Variants in TCTN2 observed in about 807,000 individuals in gnomAD.
TCTN2 encodes tectonic-2.
In TCTN2, 66 loss-of-function variants were observed where a neutral mutation model predicts 83.4. The ratio of observed to expected loss-of-function variants is 0.79; its 90% CI spans 0.65 to 0.97. The LOEUF is 0.97. Among genes scored for constraint, TCTN2 ranks in the 50% least tolerant of loss-of-function variants. TCTN2 has a pLI of 0.00. For missense variants in TCTN2, 794 were observed against 858.1 expected (o/e 0.93, Z 0.93); for synonymous variants, 301 against 326.7 (o/e 0.92, Z 0.85).
intron 8 of TCTN2, among the ~76,000 whole-genome samples, chr12:123,692,401 A>G (rs1956054299): frequency 6.6e-6 from 1 of 152,066 alleles, no homozygotes; most frequent in Non-Finnish European, 1.5e-5. Context: ...TGAACTGCAT[A>G]TTTGTTTTTA....
intron 4 of TCTN2, among the ~76,000 whole-genome samples, chr12:123,678,879 G>A (rs952513327): frequency 2.0e-5 from 3 of 151,498 alleles, no homozygotes; most frequent in Admixed American, 2.0e-4. Context: ...CTCACTGCAA[G>A]CTCCGCCTCC....
intron 4 of TCTN2, among the ~76,000 whole-genome samples, 156 bp from the exon 5 acceptor site, chr12:123,679,033 A>T (rs1955860731): frequency 6.6e-6 from 1 of 151,826 alleles, no homozygotes; most frequent in African/African-American, 2.4e-5. Context: ...TCCTGACCTC[A>T]TGATCCACCT....
intron 5 of TCTN2, among the ~76,000 whole-genome samples, chr12:123,686,455 CTT>C (rs919079593): frequency 3.3e-5 from 5 of 152,150 alleles, no homozygotes; most frequent in African/African-American, 4.8e-5. Context: ...TGTCTGGAGG[CTT>C]TTCTGGGCTA....
chr12:123,682,315 T>C (rs1178651183), intron 5 of TCTN2, among the ~76,000 whole-genome samples: 1 of 152,198 alleles, frequency 6.6e-6, no homozygotes, highest in African/African-American at 2.4e-5. Flanking sequence ...GCAAATGATA[T>C]AGAAGATCTT....
At chr12:123,703,457 C>G (rs113741018) in intron 14 of TCTN2, among the ~76,000 whole-genome samples, 3,196 of 152,006 alleles carry the variant, frequency 0.021, 96 homozygotes, top group Admixed American at 0.054. Flanking sequence ...GTTGGGATTA[C>G]AGGCGTGAGC....
intron 8 of TCTN2, among the ~76,000 whole-genome samples, chr12:123,692,227 T>C (rs1002590510): frequency 6.6e-6 from 1 of 152,102 alleles, no homozygotes; most frequent in Admixed American, 6.6e-5. Flanking sequence ...TTTGTATTTT[T>C]AGTAGAGAGG....
chr12:123,707,182 A>C, intron 17 of TCTN2, 109 bp downstream of exon 17: 1 of 953,198 alleles, frequency 1.0e-6, no homozygotes, highest in Non-Finnish European at 1.6e-6. Flanking sequence ...AAACTTAAAA[A>C]AAAGTACGGA....
intron 12 of TCTN2, 98 bp downstream of exon 12, chr12:123,696,593 C>A: frequency 8.5e-7 from 1 of 1,170,616 alleles, no homozygotes; most frequent in Non-Finnish European, 1.3e-6. Flanking sequence ...TATTTTAAAG[C>A]CTAGTTGGTT....
intron 3 of TCTN2, among the ~76,000 whole-genome samples, chr12:123,672,801 AG>A (rs1955772683): frequency 6.6e-6 from 1 of 152,148 alleles, no homozygotes; most frequent in African/African-American, 2.4e-5. Context: ...CTGTAATCCT[AG>A]CACTTTGGGA....
intron 4 of TCTN2, among the ~76,000 whole-genome samples, chr12:123,676,230 G>C (rs955632155): frequency 6.6e-6 from 1 of 151,742 alleles, no homozygotes; most frequent in Admixed American, 6.6e-5. Context: ...CAGTGAGCCA[G>C]GATTGCTCCA....
chr12:123,685,296 G>C (rs1304644467), intron 5 of TCTN2, among the ~76,000 whole-genome samples: 1 of 152,136 alleles, frequency 6.6e-6, no homozygotes, highest in African/African-American at 2.4e-5. Flanking sequence ...AATTTGAATT[G>C]CTCTCGTTTC....
In TCTN2 at chr12:123,671,572, G is replaced by A. The variant is rs959524376; in HGVS notation, c.148G>A (p.Glu50Lys). 6.2e-6 allele frequency: 10 copies of A among 1,613,890 alleles called. No individual in the cohort carries two copies. Among genetic ancestry groups the A allele is most frequent in the African/African-American group, 1.3e-5 (1 of 75,042 alleles). Residue 50 changes from glutamate (E) to lysine (K), a missense_variant, in exon 2 of 18, where the codon GAG (glutamate) becomes AAG (lysine). Physicochemically the swap from Glu to Lys is moderately conservative, Grantham distance 56. Coordinates refer to ENST00000303372, the MANE Select transcript of TCTN2 (RefSeq NM_024809.5). ...CAGCGCGTCCCTGGTCGGAGACACC[G>A]AGGGTGTGACCGTGTCCCTGGCAGT... ...AVSASLVGDT[E>K]GVTVSLAVLQ...
At chr12:123,685,079 C>T (rs1296601342) in intron 5 of TCTN2, among the ~76,000 whole-genome samples, 1 of 151,316 alleles carries the variant, frequency 6.6e-6, no homozygotes, top group Non-Finnish European at 1.5e-5. Context: ...TAAAGTACAT[C>T]ATACATTTGG....
intron 12 of TCTN2, 81 bp downstream of exon 12, chr12:123,696,576 A>C (rs1956112464): frequency 1.6e-6 from 2 of 1,289,630 alleles, no homozygotes; most frequent in Non-Finnish European, 2.3e-6. Flanking sequence ...CTAATCAAGC[A>C]ATCAATTATT....
rs891117350 is a variant in TCTN2 at position 123,671,159 on chromosome 12, C to G, written c.-82C>G. ...CAAGATGGCGGCGGCGGGGCAGTGG[C>G]TGCTGCGTTTTCGTGTCTGAGTCCT... On this transcript the variant is annotated 5_prime_UTR_variant, in exon 1 of 18. Transcript: ENST00000303372. The G allele has an allele frequency of 8.9e-6, 12 of 1,349,282 alleles. No homozygotes were observed. The highest frequency in any genetic ancestry group is 1.2e-5 in the Non-Finnish European group (12 of 970,030). The allele number at this position is 1,349,282 out of a possible 1,614,324, so 83.6% of individuals were successfully genotyped here.
Position 123,688,174 on chromosome 12 carries a change from G to A in TCTN2, c.888G>A (p.Pro296=), listed in dbSNP as rs116845100. The A allele has an allele frequency of 8.5e-4, 1,362 of 1,611,692 alleles. 30 individuals carry two copies. In the East Asian group the frequency reaches 0.028, roughly 33 times the overall value. ...MTVKKAYFTI[P]QVSLAGQCMQ... is the part of the protein sequence containing the mutation. Reference sequence around the variant, plus strand: ...TAAAGAAGGCATATTTTACTATTCCGCAGGTAATCGTTGCAATATTAGTAT... The same window carrying A: ...TAAAGAAGGCATATTTTACTATTCCACAGGTAATCGTTGCAATATTAGTAT... The change falls in exon 7 of 18, where the codon CCG becomes CCA. Residue 296 remains proline, a synonymous_variant. Coordinates refer to ENST00000303372, the MANE Select transcript of TCTN2 (RefSeq NM_024809.5).
chr12:123,704,490 CAAATT>C, intron 14 of TCTN2, 37 bp from the exon 15 acceptor site: 1 of 1,566,358 alleles, frequency 6.4e-7, no homozygotes, highest in East Asian at 2.4e-5. Context: ...GAAAACTTAT[CAAATT>C]ATTCTTTGAA....
chr12:123,685,616 A>G (rs1195224146), intron 5 of TCTN2, among the ~76,000 whole-genome samples: 1 of 150,636 alleles, frequency 6.6e-6, no homozygotes, highest in Non-Finnish European at 1.5e-5. Flanking sequence ...ATGGGGTTTC[A>G]CCATGTTGGC....
At chr12:123,672,416 T>C (rs1376370332) in intron 3 of TCTN2, among the ~76,000 whole-genome samples, 1 of 152,140 alleles carries the variant, frequency 6.6e-6, no homozygotes, top group African/African-American at 2.4e-5. Flanking sequence ...CAGTTTCCTT[T>C]AGATCATCAA....
Sources: gnomAD v4.1 joint callset for allele counts (sites outside exome capture counted in the v4.1 genomes callset) on GRCh38, gnomAD v4.1.1 for gene constraint, MANE v1.5 for transcripts, NCBI Gene and HGNC (gene_info 2026-07-23, HGNC 2026-07-21) for gene names.